The following LRP1 variants were observed in gnomAD, a reference collection of about 807,000 sequenced individuals.
The protein encoded by LRP1 is prolow-density lipoprotein receptor-related protein 1.
A neutral mutation model predicts 541.5 loss-of-function variants in LRP1; 51 were observed. The observed-to-expected ratio is 0.09, with a 90% CI of 0.08 to 0.12. The LOEUF is 0.12. LRP1 is among the 10% of genes least tolerant of loss of function. The probability of loss-of-function intolerance (pLI) is 1.00; values close to 1 mark genes in which losing one functional copy is unlikely to be tolerated. For missense variants in LRP1, 3,878 were observed against 6,376.2 expected (o/e 0.61, Z 13.34); for synonymous variants, 2,219 against 2,470.8 (o/e 0.90, Z 3.02).
At chr12:57,161,343 CTT>C (rs1414457327) in intron 13 of LRP1, among the ~76,000 whole-genome samples, 2 of 152,152 alleles carry the variant, frequency 1.3e-5, no homozygotes, top group South Asian at 2.1e-4. Context: ...ATTTGCGTCT[CTT>C]TGTGTCTATT....
chr12:57,180,240 C>T (rs1176577093), intron 31 of LRP1, 90 bp from the exon 32 acceptor site: 1 of 1,582,662 alleles, frequency 6.3e-7, no homozygotes, highest in Non-Finnish European at 8.7e-7. Context: ...CCCCAGAGCC[C>T]TAGCTTAGTG....
Position 57,173,936 on chromosome 12 carries a change from G to A in LRP1, c.3503G>A (p.Gly1168Asp). 6.2e-7 allele frequency: 1 copy of A among 1,614,222 alleles called. No individual in the cohort carries two copies. The highest frequency in any genetic ancestry group is 8.5e-7 in the Non-Finnish European group (1 of 1,180,050). The change falls in exon 22 of 89, where the codon GGC becomes GAC. Residue 1168 changes from glycine to aspartate, a missense_variant. Physicochemically the swap from Gly to Asp is moderately conservative, Grantham distance 94. This residue lies in a region of LRP1 where 320 missense variants were observed against 547.9 expected (regional missense o/e 0.58). Transcript: ENST00000243077. This position sits in a 1 kb window ranked among gnomAD's most constrained non-coding sequence, Gnocchi z 4.7. Reference sequence around the variant, plus strand: ...CTGCCCCCTGACAAGCTGTGTGATGGCAACGACGACTGTGGCGACGGCTCA... The same window carrying A: ...CTGCCCCCTGACAAGCTGTGTGATGACAACGACGACTGTGGCGACGGCTCA... ...VCLPPDKLCD[G>D]NDDCGDGSDE...
In LRP1 at chr12:57,211,011, C is replaced by A; in HGVS notation, c.12916+132C>A. 3 of 1,401,064 alleles carry A rather than the reference C, an allele frequency of 2.1e-6. No individual in the cohort carries two copies. Among genetic ancestry groups the A allele is most frequent in the East Asian group, 2.4e-5 (1 of 41,050 alleles). 86.8% of individuals were successfully genotyped at this position (1,401,064 alleles called of 1,614,324 possible). A position where few individuals can be genotyped will look rare whatever the true frequency, so the allele number is the denominator to read the frequency against. Reference sequence around the variant, plus strand: ...GGAAAGAAGGCCTTATGCAGCTGAGCCAGGCCCAAGCTGCTGGCGCTTCCC... The same window carrying A: ...GGAAAGAAGGCCTTATGCAGCTGAGACAGGCCCAAGCTGCTGGCGCTTCCC... On this transcript the variant is annotated intron_variant, in intron 83 of 88. Transcript: ENST00000243077. The surrounding 1 kb of genome is among the most constrained non-coding windows in gnomAD (Gnocchi z 4.3).
At position 57,141,826 on chromosome 12, in the gene LRP1, T is replaced by A. The variant is rs542521600; in HGVS notation, c.328+315T>A. On this transcript the variant is annotated intron_variant, in intron 3 of 88. Coordinates refer to ENST00000243077, the MANE Select transcript of LRP1 (RefSeq NM_002332.3). Reference sequence around the variant, plus strand: ...AGAGATCAGTGTTTTCATACTTTTTTAAAAATAGTATGATCCTTTCTTCAA... The same window carrying A: ...AGAGATCAGTGTTTTCATACTTTTTAAAAAATAGTATGATCCTTTCTTCAA... Among the ~76,000 whole-genome samples, 58 of 152,342 alleles carry A rather than the reference T, an allele frequency of 3.8e-4. 1 individual carries two copies. The highest frequency in any genetic ancestry group is 2.5e-3 in the Admixed American group (39 of 15,304).
chr12:57,147,254 G>A (rs2035429838), intron 6 of LRP1, among the ~76,000 whole-genome samples: 1 of 152,026 alleles, frequency 6.6e-6, no homozygotes, highest in African/African-American at 2.4e-5. Flanking sequence ...CCTGCCGCCT[G>A]AATGTCTGGC....
intron 12 of LRP1, 144 bp downstream of exon 12, chr12:57,160,149 AGT>A: frequency 1.3e-6 from 1 of 747,104 alleles, no homozygotes. Flanking sequence ...GGGGAGAAGG[AGT>A]CCCTGTCTTC....
intron 19 of LRP1, 64 bp from the exon 20 acceptor site, chr12:57,169,076 G>C (rs1373006504): frequency 7.4e-6 from 11 of 1,482,002 alleles, no homozygotes; most frequent in Non-Finnish European, 3.7e-6. Context: ...CCCAAGCTGG[G>C]ATCACAGAGA....
chr12:57,208,878 C>T (rs974764648), intron 78 of LRP1, 61 bp downstream of exon 78: 5 of 1,396,838 alleles, frequency 3.6e-6, no homozygotes, highest in Non-Finnish European at 5.1e-6. Context: ...CAGAGCCCAG[C>T]TGCTGCTGAA....
Position 57,165,730 on chromosome 12 carries a change from A to G in LRP1, c.2531-75A>G, listed in dbSNP as rs1205404260. 5 of 1,457,824 alleles carry G rather than the reference A, an allele frequency of 3.4e-6. No homozygotes were observed. Among genetic ancestry groups the G allele is most frequent in the East Asian group, 2.3e-5 (1 of 43,314 alleles). 90.3% of individuals were successfully genotyped at this position (1,457,824 alleles called of 1,614,324 possible). A position where few individuals can be genotyped will look rare whatever the true frequency, so the allele number is the denominator to read the frequency against. The stretch of plus-strand genomic sequence containing the variant: ...TTAAAAAATAGTAAAACAAACAAAA[A>G]TGGTGCAAAGGGCTTAGTACTTGTC... On this transcript the variant is annotated intron_variant, in intron 15 of 88. Transcript: ENST00000243077. The surrounding 1 kb of genome is among the most constrained non-coding windows in gnomAD (Gnocchi z 4.5).
In LRP1 at chr12:57,211,460, GC is replaced by G; in HGVS notation, c.13092-23del. ...CCCAGGCACGCCTCTGCCAGCCCCA[GC>G]CCCAGCCTCTGATTCCTTCCTGCAG... On this transcript the variant is annotated intron_variant, in intron 84 of 88. Transcript: ENST00000243077. This position sits in a 1 kb window ranked among gnomAD's most constrained non-coding sequence, Gnocchi z 4.3. The G allele has an allele frequency of 6.2e-7, 1 of 1,612,164 alleles. No homozygotes were observed.
chr12:57,202,135 C>T (rs944934939), intron 67 of LRP1, among the ~76,000 whole-genome samples: 8 of 152,034 alleles, frequency 5.3e-5, no homozygotes, highest in African/African-American at 9.7e-5. Context: ...CCCCTGCCCA[C>T]GCCTCATCCA....
At chr12:57,138,858 G>A (rs887823030) in intron 2 of LRP1, among the ~76,000 whole-genome samples, 3 of 152,184 alleles carry the variant, frequency 2.0e-5, no homozygotes, top group African/African-American at 7.2e-5. Context: ...AAGATGGCCC[G>A]GCCTCCCTTT....
rs1265224567 is a variant in LRP1 at position 57,176,087 on chromosome 12, G to A, written c.3972G>A (p.Gly1324=). ...TGGTGGAGGACAAGATCTACCGCGGGAAGCTGCTGGACAACGGAGGTGACC... is the reference window on the plus strand; with the variant it reads ...TGGTGGAGGACAAGATCTACCGCGGAAAGCTGCTGGACAACGGAGGTGACC... ...TDVVEDKIYR[G]KLLDNGALTS... Residue 1324 remains glycine, a synonymous_variant, in exon 24 of 89, where the codon GGG becomes GGA. Transcript: ENST00000243077. 1 of 1,613,996 alleles carries A rather than the reference G, an allele frequency of 6.2e-7. No homozygotes were observed. Among genetic ancestry groups the A allele is most frequent in the Non-Finnish European group, 8.5e-7 (1 of 1,180,058 alleles).
Position 57,158,568 on chromosome 12 carries a change from C to T in LRP1, c.1728C>T (p.Ala576=), listed in dbSNP as rs566214120. The change falls in exon 11 of 89, where the codon GCC becomes GCT. Residue 576 remains alanine (A), a synonymous_variant. Coordinates refer to ENST00000243077, the MANE Select transcript of LRP1 (RefSeq NM_002332.3). This position sits in a 1 kb window ranked among gnomAD's most constrained non-coding sequence, Gnocchi z 5.3. ...CTGAGACCGGCTTCATCTACTTTGCCGACACCACCAGCTACCTCATTGGCC... is the reference window on the plus strand; with the variant it reads ...CTGAGACCGGCTTCATCTACTTTGCTGACACCACCAGCTACCTCATTGGCC... ...FHAETGFIYF[A]DTTSYLIGRQ... is the part of the protein sequence containing the mutation. The T allele has an allele frequency of 1.2e-5, 19 of 1,614,142 alleles. No homozygotes were observed. The highest frequency in any genetic ancestry group is 1.6e-4 in the Middle Eastern group (1 of 6,062).
rs769080972 is a variant in LRP1, at chr12:57,212,537, A to G, written c.13617A>G (p.Ile4539Met). 3.7e-6 allele frequency: 6 copies of G among 1,611,418 alleles called. No homozygotes were observed. Among genetic ancestry groups the G allele is most frequent in the South Asian group, 1.1e-5 (1 of 90,754 alleles). ...ELLGRGPEDE[I>M]GDPLA Reference sequence around the variant, plus strand: ...TGGGCCGGGGCCCTGAGGACGAGATAGGGGACCCCTTGGCATAGGGCCCTG... The same window carrying G: ...TGGGCCGGGGCCCTGAGGACGAGATGGGGGACCCCTTGGCATAGGGCCCTG... The change falls in exon 89 of 89, where the codon ATA (isoleucine) becomes ATG (methionine). Residue 4539 changes from isoleucine to methionine, a missense_variant. Ile to Met is a conservative substitution (Grantham distance 10). This residue lies in a region of LRP1 where 871 missense variants were observed against 1,212.4 expected (regional missense o/e 0.72). Coordinates refer to ENST00000243077, the MANE Select transcript of LRP1 (RefSeq NM_002332.3). The surrounding 1 kb of genome is among the most constrained non-coding windows in gnomAD (Gnocchi z 5.0).
At chr12:57,142,744 C>T (rs1489098185) in intron 3 of LRP1, among the ~76,000 whole-genome samples, 7 of 152,142 alleles carry the variant, frequency 4.6e-5, no homozygotes, top group Non-Finnish European at 7.3e-5. Flanking sequence ...TCTAGGTTTT[C>T]CAGAGCAAAT....
At chr12:57,174,620 C>G in intron 22 of LRP1, among the ~76,000 whole-genome samples, 1 of 152,166 alleles carries the variant, frequency 6.6e-6, no homozygotes, top group Middle Eastern at 3.2e-3. Context: ...GCTAAAAATA[C>G]AAAAATTAGC....
chr12:57,202,650 G>T (rs1160543675), intron 68 of LRP1, 113 bp downstream of exon 68: 2 of 773,250 alleles, frequency 2.6e-6, no homozygotes, highest in African/African-American at 3.4e-5. Flanking sequence ...CAGGGTGGGG[G>T]CAGGAGCCGC....
intron 1 of LRP1, among the ~76,000 whole-genome samples, chr12:57,133,651 G>C (rs528954572): frequency 1.8e-3 from 73 of 41,116 alleles, no homozygotes; most frequent in East Asian, 1.3e-3. Context: ...CGCACCTTGA[G>C]CATCCTCCTC....
Sources: allele counts gnomAD v4.1 joint callset (sites outside exome capture counted in the v4.1 genomes callset), GRCh38; gene constraint gnomAD v4.1.1; regional missense constraint gnomAD v4.1.1; non-coding constraint Gnocchi (gnomAD v3.1); transcripts MANE v1.5; gene names NCBI Gene and HGNC (gene_info 2026-07-23, HGNC 2026-07-21).